CNOT1: variants seen among roughly 807,000 people sequenced by gnomAD.
CNOT1 encodes CCR4-NOT transcription complex subunit 1.
In CNOT1, 15 loss-of-function variants were observed where a neutral mutation model predicts 273.8. The ratio of observed to expected loss-of-function variants is 0.05; its 90% CI spans 0.04 to 0.08. The LOEUF (loss-of-function observed/expected upper bound fraction) is 0.08. Among genes scored for constraint, CNOT1 ranks in the 10% least tolerant of loss-of-function variants. The pLI, the probability that CNOT1 is intolerant of heterozygous loss-of-function variation, is 1.00. For missense variants in CNOT1, 1,644 were observed against 2,912.2 expected (o/e 0.56, Z 10.02); for synonymous variants, 1,022 against 1,005.5 (o/e 1.02, Z -0.31).
At chr16:58,576,633 G>C in intron 13 of CNOT1, 51 bp from the exon 14 acceptor site, 2 of 1,608,686 alleles carry the variant, frequency 1.2e-6, no homozygotes, top group Non-Finnish European at 1.7e-6. Flanking sequence ...CACTGTGATA[G>C]ATATTATTAC....
chr16:58,551,538 A>T (rs2040449465), intron 23 of CNOT1, 51 bp downstream of exon 23: 11 of 1,565,760 alleles, frequency 7.0e-6, no homozygotes, highest in Non-Finnish European at 9.7e-6. Flanking sequence ...ACCACTGATT[A>T]TTACAATATA....
intron 13 of CNOT1, among the ~76,000 whole-genome samples, chr16:58,577,016 T>C (rs2041477043): frequency 6.6e-6 from 1 of 152,208 alleles, no homozygotes; most frequent in African/African-American, 2.4e-5. Flanking sequence ...TCACTACTTC[T>C]GGGAGTGGCG....
At chr16:58,612,121 A>C (rs1458551095) in intron 1 of CNOT1, among the ~76,000 whole-genome samples, 1 of 152,100 alleles carries the variant, frequency 6.6e-6, no homozygotes, top group Admixed American at 6.6e-5. Flanking sequence ...AGAATGTGCC[A>C]CATGCCAGGC....
intron 1 of CNOT1, among the ~76,000 whole-genome samples, chr16:58,612,349 AC>A (rs1190920538): frequency 6.6e-6 from 1 of 152,098 alleles, no homozygotes; most frequent in Admixed American, 6.6e-5. Flanking sequence ...ACCAAGTTTG[AC>A]CTTGAAAATT....
At chr16:58,574,487 A>C (rs2041394161) in intron 16 of CNOT1, 122 bp downstream of exon 16, 1 of 929,624 alleles carries the variant, frequency 1.1e-6, no homozygotes, top group Admixed American at 3.0e-5. Flanking sequence ...AGGACTTTGG[A>C]CTTAAAACCA....
chr16:58,546,084 A>T lies in CNOT1; in HGVS notation c.4006+237T>A, dbSNP rs78395084. 7.0e-3 allele frequency among the ~76,000 whole-genome samples: 1,065 copies of T among 152,278 alleles called. 9 individuals are homozygous for T. Among genetic ancestry groups the T allele is most frequent in the African/African-American group, 0.024 (1,004 of 41,556 alleles). Reference sequence around the variant, plus strand: ...TGGCCTAGCTGGGGTATGAGAGGCAACTGATTAAATCACATTTAGTTAATA... The same window carrying T: ...TGGCCTAGCTGGGGTATGAGAGGCATCTGATTAAATCACATTTAGTTAATA... On this transcript the variant is annotated intron_variant, in intron 29 of 48. Transcript: ENST00000317147.
chr16:58,548,545 G>A (rs774054887), intron 25 of CNOT1: 20 of 519,070 alleles, frequency 3.9e-5, no homozygotes. Flanking sequence ...GCACAAGTCA[G>A]CTGTGCAACA....
intron 44 of CNOT1, 35 bp from the exon 45 acceptor site, chr16:58,526,173 A>G (rs763866397): frequency 3.1e-6 from 5 of 1,610,714 alleles, no homozygotes; most frequent in Non-Finnish European, 4.2e-6. Flanking sequence ...CACAAGCAGA[A>G]TCATTTTTAT....
chr16:58,580,972 TGTTAAAAGACATTTCTGAGCCA>T (rs1189178996), intron 11 of CNOT1, among the ~76,000 whole-genome samples: 1 of 28,928 alleles, frequency 3.5e-5, no homozygotes, highest in African/African-American at 2.0e-4. Context: ...TCATAACAAC[TGTTAAAAGACATTTCTGAGCCA>T]ATTAGGGAAA....
chr16:58,612,468 G>A (rs943483663), intron 1 of CNOT1, among the ~76,000 whole-genome samples: 6 of 152,086 alleles, frequency 3.9e-5, no homozygotes, highest in Admixed American at 2.6e-4. Flanking sequence ...GACTGGCGCC[G>A]TGGCTCACAC....
chr16:58,526,740 C>T (rs2039596788), intron 44 of CNOT1, among the ~76,000 whole-genome samples: 1 of 148,222 alleles, frequency 6.7e-6, no homozygotes, highest in Non-Finnish European at 1.5e-5. Flanking sequence ...CGCCTGAACC[C>T]AGGAGGCAGA....
chr16:58,575,188 C>G, intron 14 of CNOT1, 59 bp from the exon 15 acceptor site: 1 of 1,572,478 alleles, frequency 6.4e-7, no homozygotes, highest in South Asian at 1.2e-5. Flanking sequence ...TATCTCTGTC[C>G]CATATTCTGT....
rs1263003279 is a variant in CNOT1 at position 58,543,918 on chromosome 16, A to C, written c.4138-15T>G. ...AACAAGGGAATCTGGGGGGTTGGGG[A>C]GGACAAAGTCAACACCTTGTTTAAA... On this transcript the variant is annotated splice_polypyrimidine_tract_variant and intron_variant, in intron 30 of 48. Coordinates refer to ENST00000317147, the MANE Select transcript of CNOT1 (RefSeq NM_016284.5). 15 of 1,583,144 alleles carry C rather than the reference A, an allele frequency of 9.5e-6. No homozygotes were observed. The highest frequency in any genetic ancestry group is 1.3e-5 in the Non-Finnish European group (15 of 1,162,676).
intron 16 of CNOT1, among the ~76,000 whole-genome samples, chr16:58,566,759 G>A (rs1463282542): frequency 1.3e-5 from 2 of 152,078 alleles, no homozygotes; most frequent in African/African-American, 2.4e-5. Context: ...TCTGCCTCCC[G>A]AGTAGCTGGG....
intron 44 of CNOT1, 124 bp from the exon 45 acceptor site, chr16:58,526,262 G>A: frequency 1.2e-6 from 1 of 864,824 alleles, no homozygotes; most frequent in South Asian, 1.9e-5. Flanking sequence ...GAAGAGCACA[G>A]CTGCCACATT....
intron 46 of CNOT1, among the ~76,000 whole-genome samples, chr16:58,524,198 CG>C (rs1296347465): frequency 6.9e-6 from 1 of 144,860 alleles, no homozygotes; most frequent in Non-Finnish European, 1.5e-5. Flanking sequence ...TATGGTGAGC[CG>C]ATATTGCGCC....
At chr16:58,599,171 G>T (rs2042378711) in intron 2 of CNOT1, 65 bp downstream of exon 2, 2 of 1,602,400 alleles carry the variant, frequency 1.2e-6, no homozygotes, top group Non-Finnish European at 1.7e-6. Flanking sequence ...ACATAAATGT[G>T]TGGTTTTCTT....
chr16:58,580,832 G>C (rs1214476330), intron 11 of CNOT1, 72 bp from the exon 12 acceptor site: 2 of 1,395,864 alleles, frequency 1.4e-6, no homozygotes, highest in African/African-American at 2.9e-5. Context: ...GTTTTCACTA[G>C]GCTATTGTCA....
At chr16:58,521,376 C>A (rs939592435) in intron 47 of CNOT1, 59 bp from the exon 48 acceptor site, 329 of 1,519,450 alleles carry the variant, frequency 2.2e-4, no homozygotes, top group Non-Finnish European at 2.7e-4. Context: ...CATGATTATT[C>A]TTCCATTACT....
Sources: allele counts gnomAD v4.1 joint callset (sites outside exome capture counted in the v4.1 genomes callset), GRCh38; gene constraint gnomAD v4.1.1; transcripts MANE v1.5; gene names NCBI Gene and HGNC (gene_info 2026-07-23, HGNC 2026-07-21).